The following EFCAB11 variants were observed in gnomAD, a reference collection of about 807,000 sequenced individuals.
EFCAB11 encodes the protein EF-hand calcium-binding domain-containing protein 11.
Under a neutral mutation model 23.0 loss-of-function variants are expected in EFCAB11, and 14 were observed. The observed-to-expected ratio is 0.61, with a 90% CI of 0.40 to 0.95. EFCAB11 has a LOEUF of 0.95. Ranked by LOEUF, EFCAB11 falls within the 40% of genes least tolerant of loss-of-function variation. EFCAB11 has a pLI of 0.00. For missense variants in EFCAB11, 198 were observed against 195.8 expected, an observed-to-expected ratio of 1.01 and a Z score of -0.07; for synonymous variants, 65 against 66.6, an observed-to-expected ratio of 0.98 and a Z score of 0.11.
intron 3 of EFCAB11, among the ~76,000 whole-genome samples, chr14:89,936,066 C>T (rs1238546787): frequency 6.7e-6 from 1 of 150,006 alleles, no homozygotes; most frequent in Non-Finnish European, 1.5e-5. Context: ...TAAATGAATG[C>T]CAAAAAGTAG....
chr14:89,936,221 G>A (rs1022538611), intron 3 of EFCAB11, among the ~76,000 whole-genome samples: 4 of 152,126 alleles, frequency 2.6e-5, no homozygotes, highest in Admixed American at 6.5e-5. Flanking sequence ...ATTTGACTTA[G>A]AGAAGTGATA....
intron 5 of EFCAB11, among the ~76,000 whole-genome samples, chr14:89,874,676 T>A (rs1201268344): frequency 6.6e-6 from 1 of 152,092 alleles, no homozygotes; most frequent in Non-Finnish European, 1.5e-5. Flanking sequence ...GGTGGGTGGA[T>A]CAAGAGGTCA....
intron 5 of EFCAB11, among the ~76,000 whole-genome samples, chr14:89,826,283 G>A (rs905235179): frequency 6.6e-6 from 1 of 152,056 alleles, no homozygotes; most frequent in Non-Finnish European, 1.5e-5. Context: ...TAAATAGGGA[G>A]GGTTGGGGAC....
At chr14:89,921,278 T>C (rs1443117421) in intron 5 of EFCAB11, among the ~76,000 whole-genome samples, 1 of 152,036 alleles carries the variant, frequency 6.6e-6, no homozygotes, top group Non-Finnish European at 1.5e-5. Context: ...CTGGGGGACA[T>C]GCAAAAAAGG....
intron 5 of EFCAB11, among the ~76,000 whole-genome samples, chr14:89,804,880 C>T (rs1300032770): frequency 6.6e-6 from 1 of 152,128 alleles, no homozygotes; most frequent in African/African-American, 2.4e-5. Context: ...GTCTAATATA[C>T]ATGTCTTATT....
At chr14:89,847,457 A>G (rs1427861488) in intron 5 of EFCAB11, among the ~76,000 whole-genome samples, 7 of 152,014 alleles carry the variant, frequency 4.6e-5, no homozygotes, top group African/African-American at 1.7e-4. Flanking sequence ...TGCAGACTCT[A>G]GACTGGGTGC....
chr14:89,820,221 T>G (rs967484345), intron 5 of EFCAB11, among the ~76,000 whole-genome samples: 1 of 152,180 alleles, frequency 6.6e-6, no homozygotes, highest in African/African-American at 2.4e-5. Context: ...AGCTGTCGAT[T>G]TTTTTTCTTT....
chr14:89,830,106 C>A (rs764735950), intron 5 of EFCAB11: 1 of 151,990 alleles, frequency 6.6e-6, no homozygotes, highest in Non-Finnish European at 1.5e-5. Context: ...TAAAATAAAG[C>A]GTAGAAATTA....
chr14:89,921,198 A>G (rs1890013444), intron 5 of EFCAB11, among the ~76,000 whole-genome samples: 1 of 152,186 alleles, frequency 6.6e-6, no homozygotes, highest in South Asian at 2.1e-4. Flanking sequence ...CCTGCCATAA[A>G]CAAAAATGCT....
Position 89,797,333 on chromosome 14 carries a change from T to C in EFCAB11, c.411-9A>G. The C allele has an allele frequency of 6.2e-7, 1 of 1,611,686 alleles. No homozygotes were observed. Among genetic ancestry groups the C allele is most frequent in the Non-Finnish European group, 8.5e-7 (1 of 1,179,182 alleles). On this transcript the variant is annotated splice_polypyrimidine_tract_variant and intron_variant, in intron 5 of 5. Coordinates refer to ENST00000316738, the MANE Select transcript of EFCAB11 (RefSeq NM_145231.4). ...AATCTCGATCTACTTCCCTGGAAAA[T>C]GAAACAAAAAGTCATTTACACATTA... is the stretch of plus-strand genomic sequence containing the variant.
intron 5 of EFCAB11, among the ~76,000 whole-genome samples, chr14:89,914,141 A>C (rs1350850914): frequency 1.3e-5 from 2 of 152,216 alleles, no homozygotes. Context: ...CAAATATCTG[A>C]ACACCACATA....
intron 5 of EFCAB11, among the ~76,000 whole-genome samples, chr14:89,907,791 G>A (rs747270116): frequency 1.3e-5 from 2 of 152,152 alleles, no homozygotes; most frequent in Admixed American, 6.5e-5. Flanking sequence ...TTCCAATGTG[G>A]AGTCAGACTG....
intron 5 of EFCAB11, among the ~76,000 whole-genome samples, chr14:89,907,154 A>C (rs1441834764): frequency 6.6e-6 from 1 of 152,188 alleles, no homozygotes; most frequent in Non-Finnish European, 1.5e-5. Context: ...AGAACTGACC[A>C]ACAGCCCCTG....
At chr14:89,840,717 T>C (rs558155142) in intron 5 of EFCAB11, among the ~76,000 whole-genome samples, 4 of 152,346 alleles carry the variant, frequency 2.6e-5, no homozygotes, top group African/African-American at 9.6e-5. Context: ...TCATAATGAA[T>C]AGATTTTTCT....
intron 5 of EFCAB11, among the ~76,000 whole-genome samples, chr14:89,827,631 T>C (rs1466805427): frequency 1.4e-5 from 2 of 146,164 alleles, no homozygotes; most frequent in South Asian, 2.3e-4. Flanking sequence ...ATTCACTCTT[T>C]TTTTTTTTTT....
At chr14:89,916,053 C>A (rs943002980) in intron 5 of EFCAB11, among the ~76,000 whole-genome samples, 3 of 151,646 alleles carry the variant, frequency 2.0e-5, no homozygotes, top group East Asian at 1.9e-4. Context: ...CCTTAAGGCA[C>A]AACTCCGATC....
intron 5 of EFCAB11, among the ~76,000 whole-genome samples, chr14:89,920,731 C>T (rs765728360): frequency 6.6e-6 from 1 of 152,134 alleles, no homozygotes; most frequent in Admixed American, 6.6e-5. Flanking sequence ...AGGAGTTCTA[C>T]AGAAGAGGAA....
chr14:89,909,118 T>G (rs2140212670), intron 5 of EFCAB11, among the ~76,000 whole-genome samples: 1 of 152,322 alleles, frequency 6.6e-6, no homozygotes, highest in Non-Finnish European at 1.5e-5. Context: ...ATGTTTGAGA[T>G]GAACCCTCAT....
At position 89,796,529 on chromosome 14, in the gene EFCAB11, G is replaced by A. The variant is rs947210085; in HGVS notation, c.*714C>T. The A allele has an allele frequency of 2.0e-5, 3 of 152,110 alleles. No individual in the cohort carries two copies. Among genetic ancestry groups the A allele is most frequent in the Non-Finnish European group, 4.4e-5 (3 of 68,076 alleles). The allele number at this position is 152,110 out of a possible 1,614,324, so 9.4% of individuals were successfully genotyped here. A position where few individuals can be genotyped will look rare whatever the true frequency, so the allele number is the denominator to read the frequency against. The stretch of plus-strand genomic sequence containing the variant: ...GGGTCTCGGTATGTTGCCCAGGCTA[G>A]TCTCCAATTCCTAGGCTCAAGTGAT... On this transcript the variant is annotated 3_prime_UTR_variant, in exon 6 of 6. Coordinates refer to ENST00000316738, the MANE Select transcript of EFCAB11 (RefSeq NM_145231.4).
Sources: allele counts gnomAD v4.1 joint callset (sites outside exome capture counted in the v4.1 genomes callset), GRCh38; gene constraint gnomAD v4.1.1; transcripts MANE v1.5; gene names NCBI Gene and HGNC (gene_info 2026-07-23, HGNC 2026-07-21).